Variants in NALF1 observed in about 807,000 individuals in gnomAD.
NALF1 encodes family with sequence similarity 155 member A.
NALF1 carries 3 observed loss-of-function variants against 48.4 expected under a neutral mutation model. The observed-to-expected ratio is 0.06, with a 90% CI of 0.03 to 0.16. NALF1 has a LOEUF of 0.16. Ranked by LOEUF, NALF1 falls within the 10% of genes least tolerant of loss-of-function variation. The pLI is 1.00. For synonymous variants in NALF1, 262 were observed against 245.7 expected, an observed-to-expected ratio of 1.07 and a Z score of -0.62; for missense variants, 526 against 571.5, an observed-to-expected ratio of 0.92 and a Z score of 0.81.
At chr13:107,572,106 GATAA>G (rs1263748019) in intron 1 of NALF1, among the ~76,000 whole-genome samples, 2 of 152,040 alleles carry the variant, frequency 1.3e-5, no homozygotes, top group Non-Finnish European at 2.9e-5. Context: ...CATGATAATT[GATAA>G]ATAATATAAT....
At chr13:107,217,509 C>G (rs1188159503) in intron 1 of NALF1, among the ~76,000 whole-genome samples, 2 of 152,158 alleles carry the variant, frequency 1.3e-5, no homozygotes, top group African/African-American at 2.4e-5. Context: ...AATAGTGAAG[C>G]CTAAATCTTC....
chr13:107,379,372 C>T (rs940515834), intron 1 of NALF1, among the ~76,000 whole-genome samples: 4 of 152,156 alleles, frequency 2.6e-5, no homozygotes, highest in Non-Finnish European at 5.9e-5. Context: ...TAGTAACTCT[C>T]CATTAGTTTC....
chr13:107,213,511 G>A (rs1594073202), intron 1 of NALF1, among the ~76,000 whole-genome samples: 1 of 152,276 alleles, frequency 6.6e-6, no homozygotes, highest in East Asian at 1.9e-4. Flanking sequence ...CTAGGGGTAA[G>A]ATACATCAGA....
intron 1 of NALF1, among the ~76,000 whole-genome samples, chr13:107,705,315 A>G (rs1033170470): frequency 6.6e-5 from 10 of 152,358 alleles, no homozygotes; most frequent in Middle Eastern, 3.4e-3. Flanking sequence ...TGCAGGATGC[A>G]GTCATTACTG....
At chr13:107,688,720 T>TG (rs1881497441) in intron 1 of NALF1, among the ~76,000 whole-genome samples, 1 of 152,154 alleles carries the variant, frequency 6.6e-6, no homozygotes, top group African/African-American at 2.4e-5. Flanking sequence ...CCAGGGTTCA[T>TG]GTCGAAGCAG....
At chr13:107,825,935 T>G (rs1028351482) in intron 1 of NALF1, among the ~76,000 whole-genome samples, 1 of 151,740 alleles carries the variant, frequency 6.6e-6, no homozygotes, top group Non-Finnish European at 1.5e-5. Flanking sequence ...CTCCCGCCAC[T>G]GCGCCCAGCT....
intron 1 of NALF1, among the ~76,000 whole-genome samples, chr13:107,836,183 G>A (rs57125192): frequency 6.6e-6 from 1 of 152,000 alleles, no homozygotes. Flanking sequence ...TAGAGATGGG[G>A]TTTCATCATG....
chr13:107,209,498 CAAA>C (rs61177208), intron 2 of NALF1, among the ~76,000 whole-genome samples: 1 of 142,906 alleles, frequency 7.0e-6, no homozygotes. Flanking sequence ...GACTCCATCT[CAAA>C]AAAAAAAAAA....
At chr13:107,836,036 C>A (rs534468186) in intron 1 of NALF1, among the ~76,000 whole-genome samples, 2 of 152,096 alleles carry the variant, frequency 1.3e-5, no homozygotes, top group Non-Finnish European at 2.9e-5. Flanking sequence ...CTGTTGCCCA[C>A]ATTGGAGTGC....
At position 107,866,104 on chromosome 13, in the gene NALF1, C is replaced by G. The variant is rs544196360; in HGVS notation, c.493G>C (p.Val165Leu). Reference protein sequence around the residue: ...ALFLGNSAKPVWRLETCYPQG... With the variant: ...ALFLGNSAKPLWRLETCYPQG... ...GGGTAACAAGTCTCCAGGCGCCACACGGGCTTGGCAGAGTTTCCTAGAAAA... is the reference window on the plus strand; with the variant it reads ...GGGTAACAAGTCTCCAGGCGCCACAGGGGCTTGGCAGAGTTTCCTAGAAAA... The change falls in exon 1 of 3, where the codon GTG becomes CTG. Residue 165 changes from valine to leucine, a missense_variant. Val to Leu is a conservative substitution (Grantham distance 32). Coordinates refer to ENST00000375915, the MANE Select transcript of NALF1 (RefSeq NM_001080396.3). This position sits in a 1 kb window ranked among gnomAD's most constrained non-coding sequence, Gnocchi z 4.4. 2.4e-5 allele frequency: 39 copies of G among 1,612,878 alleles called. No individual in the cohort carries two copies. In the African/African-American group the frequency reaches 4.8e-4, roughly 20 times the overall value.
intron 1 of NALF1, among the ~76,000 whole-genome samples, chr13:107,403,618 T>C (rs923838601): frequency 6.6e-6 from 1 of 152,008 alleles, no homozygotes; most frequent in Non-Finnish European, 1.5e-5. Context: ...TTAAATCAAT[T>C]CTGCAAAGCA....
intron 1 of NALF1, among the ~76,000 whole-genome samples, chr13:107,739,638 T>C (rs1283955936): frequency 1.3e-5 from 2 of 151,932 alleles, no homozygotes; most frequent in African/African-American, 2.4e-5. Flanking sequence ...ATAATAGCAA[T>C]TTATTAAGAC....
At chr13:107,612,910 A>G (rs1157236411) in intron 1 of NALF1, among the ~76,000 whole-genome samples, 3 of 151,976 alleles carry the variant, frequency 2.0e-5, no homozygotes, top group Admixed American at 2.0e-4. Flanking sequence ...ATACACCTCT[A>G]TTCACAGCCT....
intron 1 of NALF1, among the ~76,000 whole-genome samples, chr13:107,356,872 T>C (rs1314023184): frequency 2.0e-5 from 3 of 152,246 alleles, no homozygotes; most frequent in South Asian, 2.1e-4. Flanking sequence ...GAAATGTAGT[T>C]GGCCTTTGAA....
At chr13:107,397,565 G>C (rs1883732736) in intron 1 of NALF1, among the ~76,000 whole-genome samples, 1 of 152,060 alleles carries the variant, frequency 6.6e-6, no homozygotes, top group East Asian at 1.9e-4. Flanking sequence ...TGTGTCTACT[G>C]TGCTCCACAG....
intron 1 of NALF1, among the ~76,000 whole-genome samples, chr13:107,332,753 C>A (rs1374874014): frequency 6.6e-6 from 1 of 152,218 alleles, no homozygotes; most frequent in Non-Finnish European, 1.5e-5. Context: ...GCCATTGCTC[C>A]TAGTAAATTA....
chr13:107,426,715 A>AT (rs888943295), intron 1 of NALF1, among the ~76,000 whole-genome samples: 1 of 152,106 alleles, frequency 6.6e-6, no homozygotes, highest in Non-Finnish European at 1.5e-5. Context: ...ACATTTCTCA[A>AT]TTTTTTTCAA....
At chr13:107,332,780 C>A (rs941637352) in intron 1 of NALF1, among the ~76,000 whole-genome samples, 1 of 152,152 alleles carries the variant, frequency 6.6e-6, no homozygotes, top group African/African-American at 2.4e-5. Context: ...TAAGGTCCCA[C>A]GAACCTTTGT....
chr13:107,384,325 C>T (rs1262527917), intron 1 of NALF1, among the ~76,000 whole-genome samples: 1 of 152,116 alleles, frequency 6.6e-6, no homozygotes, highest in East Asian at 1.9e-4. Context: ...AGAACAAGTA[C>T]ATCTAACCTC....
Sources: gnomAD v4.1 joint callset for allele counts (sites outside exome capture counted in the v4.1 genomes callset) on GRCh38, gnomAD v4.1.1 for gene constraint, Gnocchi (gnomAD v3.1) non-coding constraint, MANE v1.5 for transcripts, NCBI Gene and HGNC (gene_info 2026-07-23, HGNC 2026-07-21) for gene names.